Variants in CCDC92 observed in about 807,000 individuals in gnomAD.
The protein encoded by CCDC92 is coiled-coil domain-containing protein 92.
In CCDC92, 12 loss-of-function variants were observed where a neutral mutation model predicts 24.9. The ratio of observed to expected loss-of-function variants is 0.48; its 90% CI spans 0.31 to 0.78. The LOEUF is 0.78. CCDC92 is among the 30% of genes least tolerant of loss of function. CCDC92 has a pLI of 0.05. For missense variants in CCDC92, 399 were observed against 439.4 expected (o/e 0.91, Z 0.82); for synonymous variants, 193 against 196.3 (o/e 0.98, Z 0.14).
intron 1 of CCDC92, among the ~76,000 whole-genome samples, chr12:123,958,075 CAG>C (rs1230238224): frequency 1.7e-4 from 26 of 150,998 alleles, no homozygotes; most frequent in East Asian, 1.2e-3. Context: ...ATTTTAGAGA[CAG>C]AGTTTCACTC....
chr12:123,961,029 A>T (rs2138136789), intron 1 of CCDC92: 1 of 152,394 alleles, frequency 6.6e-6, no homozygotes, highest in East Asian at 1.9e-4. Context: ...ACTCAGTCCT[A>T]TGCTTACAAT....
At chr12:123,961,990 T>G (rs1012565998) in intron 1 of CCDC92, among the ~76,000 whole-genome samples, 3 of 152,164 alleles carry the variant, frequency 2.0e-5, no homozygotes, top group African/African-American at 7.2e-5. Flanking sequence ...AATATAAAAG[T>G]GCATATCCCG....
intron 1 of CCDC92, among the ~76,000 whole-genome samples, chr12:123,955,805 T>C (rs542926976): frequency 6.6e-5 from 10 of 152,306 alleles, no homozygotes; most frequent in African/African-American, 2.4e-4. Context: ...AATTTAGCCA[T>C]ATTTTTCCTT....
intron 4 of CCDC92, among the ~76,000 whole-genome samples, chr12:123,938,725 T>G (rs915871430): frequency 6.6e-6 from 1 of 152,178 alleles, no homozygotes. Flanking sequence ...CGATTCAGTG[T>G]CTCCTGAGCA....
intron 1 of CCDC92, among the ~76,000 whole-genome samples, chr12:123,959,355 A>G (rs1956222118): frequency 2.0e-5 from 3 of 151,674 alleles, no homozygotes; most frequent in African/African-American, 7.3e-5. Flanking sequence ...CACTTTGTTG[A>G]CCAGGCTGGA....
intron 1 of CCDC92, among the ~76,000 whole-genome samples, chr12:123,961,770 C>T (rs1956277346): frequency 6.6e-6 from 1 of 152,156 alleles, no homozygotes; most frequent in Admixed American, 6.5e-5. Context: ...CGCCATGCTA[C>T]GTACTTGATC....
intron 1 of CCDC92, among the ~76,000 whole-genome samples, chr12:123,969,460 A>AG (rs1186477309): frequency 8.1e-6 from 1 of 124,214 alleles, no homozygotes; most frequent in African/African-American, 3.1e-5. Context: ...TCTCTTATTC[A>AG]GTTTTTTTTT....
intron 1 of CCDC92, among the ~76,000 whole-genome samples, chr12:123,967,234 A>G (rs1057281188): frequency 1.3e-5 from 2 of 152,068 alleles, no homozygotes; most frequent in African/African-American, 4.8e-5. Flanking sequence ...CTATTCTACT[A>G]GAACGTTCTG....
chr12:123,967,658 T>C (rs1956425738), intron 1 of CCDC92, among the ~76,000 whole-genome samples: 1 of 152,242 alleles, frequency 6.6e-6, no homozygotes, highest in Non-Finnish European at 1.5e-5. Context: ...AACTTTCTCT[T>C]GGGAACCCAG....
intron 1 of CCDC92, among the ~76,000 whole-genome samples, chr12:123,955,695 G>A (rs1006263199): frequency 6.6e-6 from 1 of 152,012 alleles, no homozygotes; most frequent in Non-Finnish European, 1.5e-5. Flanking sequence ...TGTTGCCCAG[G>A]CTTGACTCAA....
chr12:123,954,903 A>AG (rs1956115553), intron 1 of CCDC92, among the ~76,000 whole-genome samples: 1 of 152,232 alleles, frequency 6.6e-6, no homozygotes, highest in Non-Finnish European at 1.5e-5. Flanking sequence ...TCAGAGCTGG[A>AG]GGGGCGATGC....
chr12:123,943,599 A>AGAAG, intron 2 of CCDC92, 106 bp from the exon 3 acceptor site: 1 of 1,267,752 alleles, frequency 7.9e-7, no homozygotes, highest in African/African-American at 1.5e-5. Context: ...AGGAGAGAGC[A>AGAAG]GAAGGAAACC....
intron 1 of CCDC92, among the ~76,000 whole-genome samples, chr12:123,954,414 A>G (rs1453356090): frequency 6.6e-6 from 1 of 152,162 alleles, no homozygotes; most frequent in Non-Finnish European, 1.5e-5. Flanking sequence ...TTTCCTTCTG[A>G]AAGAACGTGC....
chr12:123,958,856 T>G (rs1956210402), intron 1 of CCDC92, among the ~76,000 whole-genome samples: 1 of 152,246 alleles, frequency 6.6e-6, no homozygotes, highest in Non-Finnish European at 1.5e-5. Context: ...AGGGGGAAAT[T>G]GTGCCTATGA....
chr12:123,938,443 G>A (rs1955591120), intron 4 of CCDC92, among the ~76,000 whole-genome samples: 1 of 151,708 alleles, frequency 6.6e-6, no homozygotes, highest in Non-Finnish European at 1.5e-5. Context: ...CCCTGCCCCT[G>A]CCCTAACACT....
chr12:123,948,403 CTG>C lies in CCDC92; in HGVS notation c.-59-4041_-59-4040del, dbSNP rs760718222. Among the ~76,000 whole-genome samples, 41 of 152,246 alleles carry C rather than the reference CTG, an allele frequency of 2.7e-4. 1 individual carries two copies. The highest frequency in any genetic ancestry group is 5.7e-4 in the Non-Finnish European group (39 of 68,042). On this transcript the variant is annotated intron_variant, in intron 1 of 4. Transcript: ENST00000238156. ...TCAGCAACTTTGAATTATAACAACG[CTG>C]TGTGTCATTAATCCACTCTGTTAAC...
In CCDC92 at chr12:123,952,180, T is replaced by C. The variant is rs143930189; in HGVS notation, c.-59-7816A>G. ...AGCTATATTATTTTTATGTAAACAT[T>C]GGTCAATACTTCTATAAATATACCT... is the stretch of plus-strand genomic sequence containing the variant. On this transcript the variant is annotated intron_variant, in intron 1 of 4. Coordinates refer to ENST00000238156, the MANE Select transcript of CCDC92 (RefSeq NM_025140.3). Among the ~76,000 whole-genome samples, 445 of 152,336 alleles carry C rather than the reference T, an allele frequency of 2.9e-3. 3 individuals carry two copies. Among genetic ancestry groups the C allele is most frequent in the African/African-American group, 0.01 (427 of 41,578 alleles).
At chr12:123,950,444 G>T (rs1247704832) in intron 1 of CCDC92, among the ~76,000 whole-genome samples, 1 of 152,190 alleles carries the variant, frequency 6.6e-6, no homozygotes, top group Non-Finnish European at 1.5e-5. Context: ...ACGGCAAAAA[G>T]ACTCACTAAT....
At chr12:123,960,984 C>T (rs1193448393) in intron 1 of CCDC92, 1 of 152,234 alleles carries the variant, frequency 6.6e-6, no homozygotes, top group African/African-American at 2.4e-5. Flanking sequence ...GGTGAAAGAT[C>T]AAGCCAGCAT....
Sources: gnomAD v4.1 joint callset for allele counts (sites outside exome capture counted in the v4.1 genomes callset) on GRCh38, gnomAD v4.1.1 for gene constraint, MANE v1.5 for transcripts, NCBI Gene and HGNC (gene_info 2026-07-23, HGNC 2026-07-21) for gene names.